The following POLR1C variants were observed in gnomAD, a reference collection of about 807,000 sequenced individuals.
POLR1C encodes the protein RNA polymerase I and III subunit C, also known as DNA-directed RNA polymerases I and III subunit RPAC1.
In POLR1C, 42 loss-of-function variants were observed where a neutral mutation model predicts 38.3. That is an observed-to-expected ratio of 1.10 (90% confidence interval 0.86 to 1.42). POLR1C has a LOEUF of 1.42. Ranked by LOEUF, POLR1C falls within the 40% of genes most tolerant of loss-of-function variation. The probability of loss-of-function intolerance (pLI) is 0.00; values close to 1 mark genes in which losing one functional copy is unlikely to be tolerated. For synonymous variants in POLR1C, 163 were observed against 163.9 expected (o/e 0.99, Z 0.04); for missense variants, 507 against 450.5 (o/e 1.13, Z -1.14).
chr6:43,518,588 C>T (rs1021125516), intron 2 of POLR1C, among the ~76,000 whole-genome samples: 1 of 152,000 alleles, frequency 6.6e-6, no homozygotes, highest in African/African-American at 2.4e-5. Context: ...GAGACAAGAA[C>T]CTGGCAAATT....
intron 4 of POLR1C, 46 bp downstream of exon 4, chr6:43,519,884 TC>T: frequency 1.3e-6 from 2 of 1,595,676 alleles, no homozygotes; most frequent in Non-Finnish European, 1.7e-6. Context: ...TGGGTTCAAA[TC>T]CTGGTTGACT....
At chr6:43,539,338 G>C (rs545544520) in intron 9 of POLR1C, 1 of 1,578,412 alleles carries the variant, frequency 6.3e-7, no homozygotes, top group Non-Finnish European at 8.6e-7. Context: ...CCTTGAACCT[G>C]GTGCGCTGGC....
chr6:43,529,287 A>T (rs1473019503), exon 9 of POLR1C: 1 of 1,285,158 alleles, frequency 7.8e-7, no homozygotes, highest in Admixed American at 1.9e-5. Flanking sequence ...TCACACCTGT[A>T]ATCCCAGCAC....
chr6:43,543,408 G>GC (rs1794799121), intron 9 of POLR1C, among the ~76,000 whole-genome samples: 1 of 152,128 alleles, frequency 6.6e-6, no homozygotes, highest in Non-Finnish European at 1.5e-5. Flanking sequence ...AGCCGTGATC[G>GC]CAACACTGCA....
chr6:43,534,828 T>C (rs899606804), intron 9 of POLR1C, among the ~76,000 whole-genome samples: 1 of 152,028 alleles, frequency 6.6e-6, no homozygotes, highest in African/African-American at 2.4e-5. Context: ...GGAAACCCTG[T>C]CTCTACTAAA....
At chr6:43,556,884 T>C (rs1388841974) in intron 10 of POLR1C, among the ~76,000 whole-genome samples, 1 of 152,014 alleles carries the variant, frequency 6.6e-6, no homozygotes, top group Non-Finnish European at 1.5e-5. Flanking sequence ...ATCCAGCACT[T>C]TGGGACGCCA....
In POLR1C at chr6:43,521,289, C is replaced by T. The variant is rs772375161; in HGVS notation, c.1030C>T (p.Gln344Ter). The T allele has an allele frequency of 6.2e-7, 1 of 1,612,258 alleles. No individual in the cohort carries two copies. Among genetic ancestry groups the T allele is most frequent in the Non-Finnish European group, 8.5e-7 (1 of 1,179,994 alleles). Reference sequence around the variant, plus strand: ...CTTCTTGGATGAACTAGATGCGGTTCAGATGGACTGAGCTTGGATGCTTCT... The same window carrying T: ...CTTCTTGGATGAACTAGATGCGGTTTAGATGGACTGAGCTTGGATGCTTCT... ...RRFLDELDAV[Q>*]MD Residue 344 changes from glutamine (Q) to a stop codon, truncating the protein, a stop_gained, in exon 9 of 9, where the codon CAG (glutamine) becomes TAG (stop). Coordinates refer to ENST00000642195, the MANE Select transcript of POLR1C (RefSeq NM_203290.4). LOFTEE classifies it high-confidence loss of function.
intron 4 of POLR1C, 106 bp from the exon 5 acceptor site, chr6:43,519,960 T>A: frequency 6.5e-7 from 1 of 1,549,364 alleles, no homozygotes; most frequent in Non-Finnish European, 8.8e-7. Context: ...ACACTTGCCT[T>A]GTCTCCCAAG....
At chr6:43,560,436 ATT>A in intron 10 of POLR1C, 1 of 1,153,680 alleles carries the variant, frequency 8.7e-7, no homozygotes, top group East Asian at 2.7e-5. Flanking sequence ...CTCTACTGCA[ATT>A]TATCAGTAAT....
intron 9 of POLR1C, chr6:43,538,953 G>A (rs2127718434): frequency 2.2e-6 from 3 of 1,354,254 alleles, no homozygotes; most frequent in East Asian, 2.3e-5. Flanking sequence ...TCGGGGGTCA[G>A]GTAGCTGTAG....
At chr6:43,543,164 T>G (rs1794786697) in intron 9 of POLR1C, among the ~76,000 whole-genome samples, 1 of 152,120 alleles carries the variant, frequency 6.6e-6, no homozygotes, top group Non-Finnish European at 1.5e-5. Flanking sequence ...CTGGACAAAA[T>G]GTTAAAAGTC....
Position 43,519,380 on chromosome 6 carries a change from T to G in POLR1C, c.189T>G (p.Phe63Leu). ...ACATGGATGAAAACTCACTGGAGTT[T>G]GACATGGTGGGAATTGACGCAGCCA... is the stretch of plus-strand genomic sequence containing the variant. ...VVHMDENSLEFDMVGIDAAIA... is the reference protein window; with the variant it reads ...VVHMDENSLELDMVGIDAAIA... The change falls in exon 3 of 9, where the codon TTT becomes TTG. Residue 63 changes from phenylalanine to leucine, a missense_variant. Transcript: ENST00000642195. 1 of 1,614,044 alleles carries G rather than the reference T, an allele frequency of 6.2e-7. No homozygotes were observed. The highest frequency in any genetic ancestry group is 8.5e-7 in the Non-Finnish European group (1 of 1,179,914).
downstream of POLR1C, chr6:43,526,506 T>C: frequency 1.5e-6 from 1 of 646,906 alleles, no homozygotes; most frequent in Non-Finnish European, 2.8e-6. Context: ...AAACAGCAAG[T>C]GCAAAGGCTT....
chr6:43,525,023 ACC>A, downstream of POLR1C: 1 of 1,595,768 alleles, frequency 6.3e-7, no homozygotes, highest in East Asian at 2.3e-5. Context: ...AGGCCTCAGC[ACC>A]CCAGTTCTTC....
At chr6:43,526,860 TGGG>T (rs994109892) in intron 8 of POLR1C, 2 of 1,062,842 alleles carry the variant, frequency 1.9e-6, no homozygotes, top group Admixed American at 2.0e-5. Flanking sequence ...AGGAGGAAGA[TGGG>T]GGTACCGTCC....
At chr6:43,562,232 CA>C in exon 11 of POLR1C, 7 of 1,593,054 alleles carry the variant, frequency 4.4e-6, no homozygotes, top group Non-Finnish European at 6.0e-6. Flanking sequence ...CTCCAGAAAG[CA>C]AACACTAGCT....
chr6:43,536,391 C>A (rs940238725), intron 9 of POLR1C, among the ~76,000 whole-genome samples: 1 of 142,334 alleles, frequency 7.0e-6, no homozygotes, highest in Non-Finnish European at 1.5e-5. Flanking sequence ...CTCCAGCCTG[C>A]GCAACACAGT....
chr6:43,556,222 T>C (rs78529971), intron 10 of POLR1C: 22 of 381,928 alleles, frequency 5.8e-5, no homozygotes, highest in Middle Eastern at 7.8e-4. Context: ...CCATTTCTGT[T>C]TGAATTAAAA....
At chr6:43,546,466 C>T in intron 9 of POLR1C, 1 of 1,090,626 alleles carries the variant, frequency 9.2e-7, no homozygotes, top group South Asian at 2.5e-5. Context: ...TAAATCAATC[C>T]CTCATTAATA....
Sources: allele counts gnomAD v4.1 joint callset (sites outside exome capture counted in the v4.1 genomes callset), GRCh38; gene constraint gnomAD v4.1.1; transcripts MANE v1.5; gene names NCBI Gene and HGNC (gene_info 2026-07-23, HGNC 2026-07-21).